PACSIN2: variants seen among roughly 807,000 people sequenced by gnomAD.
PACSIN2 encodes protein kinase C and casein kinase substrate in neurons protein 2.
Under a neutral mutation model 63.8 loss-of-function variants are expected in PACSIN2, and 25 were observed. That is an observed-to-expected ratio of 0.39 (90% CI 0.29 to 0.55). PACSIN2 has a LOEUF of 0.55. Among genes scored for constraint, PACSIN2 ranks in the 20% least tolerant of loss-of-function variants. The probability of loss-of-function intolerance (pLI) is 0.62; values close to 1 mark genes in which losing one functional copy is unlikely to be tolerated. For missense variants in PACSIN2, 518 were observed against 646.9 expected (o/e 0.80, Z 2.16); for synonymous variants, 255 against 256.2 (o/e 1.00, Z 0.05).
chr22:42,966,099 C>T (rs138688643), intron 1 of PACSIN2, among the ~76,000 whole-genome samples: 2,265 of 152,244 alleles, frequency 0.015, 51 homozygotes, highest in African/African-American at 0.052. Flanking sequence ...GGGCTGGGCG[C>T]GGTGGCTCAC....
At chr22:42,884,616 C>T in intron 5 of PACSIN2, 55 bp from the exon 6 acceptor site, 2 of 1,465,962 alleles carry the variant, frequency 1.4e-6, no homozygotes, top group South Asian at 2.4e-5. Context: ...GCCCTTGGCT[C>T]ACCCTGCCCC....
At chr22:42,966,251 T>C (rs530358987) in intron 1 of PACSIN2, among the ~76,000 whole-genome samples, 2 of 152,114 alleles carry the variant, frequency 1.3e-5, no homozygotes, top group South Asian at 2.1e-4. Flanking sequence ...GCACCTGTAG[T>C]CCCAGCTACT....
chr22:42,874,655 T>C (rs1928446937), intron 10 of PACSIN2, among the ~76,000 whole-genome samples: 1 of 152,156 alleles, frequency 6.6e-6, no homozygotes, highest in Non-Finnish European at 1.5e-5. Flanking sequence ...AAGGCTTCTC[T>C]CATGGCCCTG....
At chr22:42,893,681 G>T in intron 2 of PACSIN2, 68 bp from the exon 3 acceptor site, 1 of 1,531,808 alleles carries the variant, frequency 6.5e-7, no homozygotes. Context: ...GGCACAAATG[G>T]CCTCCATGCC....
chr22:42,913,451 C>T (rs568902324), intron 1 of PACSIN2, among the ~76,000 whole-genome samples: 36 of 145,284 alleles, frequency 2.5e-4, no homozygotes, highest in Admixed American at 7.6e-4. Context: ...TGCACTCCAG[C>T]CTGGGCAACA....
chr22:42,910,556 C>T (rs1409888757), intron 2 of PACSIN2, among the ~76,000 whole-genome samples: 1 of 152,234 alleles, frequency 6.6e-6, no homozygotes, highest in Non-Finnish European at 1.5e-5. Context: ...ACCTCCAAAC[C>T]ACGTCGTGTA....
intron 2 of PACSIN2, 148 bp from the exon 3 acceptor site, chr22:42,893,761 G>A (rs1280317212): frequency 1.1e-5 from 8 of 697,530 alleles, no homozygotes; most frequent in South Asian, 5.4e-5. Flanking sequence ...AAGGCACTCC[G>A]TGTAGTTAGA....
chr22:42,919,074 C>T (rs1931994876), intron 1 of PACSIN2, among the ~76,000 whole-genome samples: 2 of 152,094 alleles, frequency 1.3e-5, no homozygotes, highest in East Asian at 3.9e-4. Context: ...CTCTTTAATG[C>T]CAAACAGTGC....
chr22:43,005,925 C>G (rs1279462694), intron 1 of PACSIN2, among the ~76,000 whole-genome samples: 1 of 152,022 alleles, frequency 6.6e-6, no homozygotes, highest in African/African-American at 2.4e-5. Context: ...TTAGGCAGGG[C>G]CCTCATGAAT....
At chr22:42,946,371 T>C (rs1933420909) in intron 1 of PACSIN2, among the ~76,000 whole-genome samples, 1 of 152,186 alleles carries the variant, frequency 6.6e-6, no homozygotes, top group Admixed American at 6.5e-5. Context: ...TGACTGCCAC[T>C]GCATCCAGGA....
At chr22:42,947,498 C>T (rs931860822) in intron 1 of PACSIN2, among the ~76,000 whole-genome samples, 3 of 152,140 alleles carry the variant, frequency 2.0e-5, no homozygotes, top group Admixed American at 2.0e-4. Flanking sequence ...AGAGGCTCTT[C>T]CCTACCCAAC....
intron 1 of PACSIN2, among the ~76,000 whole-genome samples, chr22:42,974,122 C>T (rs1921515467): frequency 6.6e-6 from 1 of 152,192 alleles, no homozygotes; most frequent in Admixed American, 6.5e-5. Flanking sequence ...TGCCTGGCAG[C>T]TCACTGTTGT....
At chr22:43,005,705 T>C (rs1175661112) in intron 1 of PACSIN2, among the ~76,000 whole-genome samples, 1 of 152,170 alleles carries the variant, frequency 6.6e-6, no homozygotes, top group Non-Finnish European at 1.5e-5. Flanking sequence ...CGTAGACTGA[T>C]AGGAGAGTGA....
intron 7 of PACSIN2, among the ~76,000 whole-genome samples, chr22:42,881,007 G>A (rs1012688107): frequency 6.6e-6 from 1 of 152,214 alleles, no homozygotes; most frequent in African/African-American, 2.4e-5. Flanking sequence ...CTCTAGGGCC[G>A]CTTCCAGTCA....
intron 1 of PACSIN2, among the ~76,000 whole-genome samples, chr22:43,012,946 C>G (rs1278657398): frequency 2.6e-5 from 4 of 152,160 alleles, no homozygotes; most frequent in Non-Finnish European, 5.9e-5. Flanking sequence ...TGAGCCACCA[C>G]GCCCGGCCTT....
chr22:42,902,280 T>G (rs1462331545), intron 2 of PACSIN2, among the ~76,000 whole-genome samples: 4 of 152,190 alleles, frequency 2.6e-5, no homozygotes, highest in Non-Finnish European at 5.9e-5. Context: ...TTCTCACAGC[T>G]GAGGAAAATG....
chr22:42,910,362 C>A (rs1015489228), intron 2 of PACSIN2, among the ~76,000 whole-genome samples: 1 of 152,220 alleles, frequency 6.6e-6, no homozygotes, highest in Non-Finnish European at 1.5e-5. Context: ...CAAGGGCCTG[C>A]ACTTCTAAAG....
intron 2 of PACSIN2, among the ~76,000 whole-genome samples, chr22:42,910,890 G>A (rs1931407008): frequency 6.6e-6 from 1 of 151,462 alleles, no homozygotes; most frequent in Non-Finnish European, 1.5e-5. Context: ...GCACACTACA[G>A]GTACTCAGTT....
chr22:42,985,525 C>G (rs1922543828), intron 1 of PACSIN2, among the ~76,000 whole-genome samples: 1 of 152,216 alleles, frequency 6.6e-6, no homozygotes, highest in Admixed American at 6.5e-5. Context: ...GTCACCTTTA[C>G]AGCACCTAGG....
Sources: gnomAD v4.1 joint callset for allele counts (sites outside exome capture counted in the v4.1 genomes callset) on GRCh38, gnomAD v4.1.1 for gene constraint, MANE v1.5 for transcripts, NCBI Gene and HGNC (gene_info 2026-07-23, HGNC 2026-07-21) for gene names.